The following KCNN2 variants were observed in gnomAD, a reference collection of about 807,000 sequenced individuals.
The protein encoded by KCNN2 is potassium calcium-activated channel subfamily N member 2, also known as small conductance calcium-activated potassium channel protein 2.
Under a neutral mutation model 55.5 loss-of-function variants are expected in KCNN2, and 24 were observed. The ratio of observed to expected loss-of-function variants is 0.43; its 90% CI spans 0.31 to 0.61. The LOEUF (loss-of-function observed/expected upper bound fraction) is 0.61. Among genes scored for constraint, KCNN2 ranks in the 20% least tolerant of loss-of-function variants. The pLI is 0.08. For missense variants in KCNN2, 754 were observed against 853.6 expected, an observed-to-expected ratio of 0.88 and a Z score of 1.45; for synonymous variants, 431 against 336.1, an observed-to-expected ratio of 1.28 and a Z score of -3.09.
At chr5:114,206,538 T>A (rs1337112928) in intron 1 of KCNN2, among the ~76,000 whole-genome samples, 1 of 152,154 alleles carries the variant, frequency 6.6e-6, no homozygotes, top group East Asian at 1.9e-4. Context: ...AGGTCATTTT[T>A]TTTCCCCTGT....
intron 1 of KCNN2, among the ~76,000 whole-genome samples, chr5:114,161,269 T>G (rs1399659169): frequency 3.9e-5 from 6 of 152,088 alleles, no homozygotes; most frequent in African/African-American, 1.4e-4. Flanking sequence ...GAAGCTTAGT[T>G]TGGCTGGATA....
At chr5:114,448,828 A>G (rs1760524946) in intron 3 of KCNN2, among the ~76,000 whole-genome samples, 1 of 152,258 alleles carries the variant, frequency 6.6e-6, no homozygotes, top group Admixed American at 6.5e-5. Context: ...TTAAAAATTT[A>G]GAATCAATTT....
At chr5:114,127,191 C>G (rs1429528597) in intron 1 of KCNN2, among the ~76,000 whole-genome samples, 2 of 152,104 alleles carry the variant, frequency 1.3e-5, no homozygotes, top group East Asian at 3.9e-4. Context: ...TTCTCACAGC[C>G]CCACTAAGCA....
chr5:114,465,071 C>CTTTTATTCTCCAATCAGGTGTG (rs1239887251), intron 4 of KCNN2, among the ~76,000 whole-genome samples: 1 of 152,106 alleles, frequency 6.6e-6, no homozygotes, highest in Non-Finnish European at 1.5e-5. Context: ...ATGGTACCCT[C>CTTTTATTCTCCAATCAGGTGTG]TTTTATTCTC....
intron 4 of KCNN2, among the ~76,000 whole-genome samples, chr5:114,471,298 T>C (rs374397965): frequency 9.7e-5 from 14 of 144,114 alleles, no homozygotes; most frequent in South Asian, 2.4e-4. Context: ...TACATCCTCC[T>C]GTGTACTTTA....
rs114870288 is a variant in KCNN2, at chr5:114,093,710, A to T, written c.-271+37210A>T. Among the ~76,000 whole-genome samples the T allele has an allele frequency of 4.9e-3, 751 of 152,302 alleles. 5 individuals carry two copies. The highest frequency in any genetic ancestry group is 0.017 in the African/African-American group (709 of 41,576). On this transcript the variant is annotated intron_variant, in intron 1 of 10. Coordinates refer to the KCNN2 transcript ENST00000512097. Reference sequence around the variant, plus strand: ...GAGAATGAATGCAGGAGGAAATACCAAACTCTTATATAACCATTGACTCTT... The same window carrying T: ...GAGAATGAATGCAGGAGGAAATACCTAACTCTTATATAACCATTGACTCTT...
chr5:114,336,275 G>A (rs969495550), intron 2 of KCNN2, among the ~76,000 whole-genome samples: 1 of 152,166 alleles, frequency 6.6e-6, no homozygotes, highest in African/African-American at 2.4e-5. Context: ...GAAGAACATA[G>A]GAAATTATTA....
intron 1 of KCNN2, among the ~76,000 whole-genome samples, chr5:114,172,029 A>T (rs9326911): frequency 0.85 from 128,729 of 151,804 alleles, 54,954 homozygotes; most frequent in East Asian, 0.94. Flanking sequence ...CTCAGGAAAC[A>T]TTATTGATCC....
chr5:114,288,497 T>TACAC (rs371769820), intron 2 of KCNN2, among the ~76,000 whole-genome samples: 5,267 of 128,608 alleles, frequency 0.041, 123 homozygotes, highest in African/African-American at 0.09. Context: ...TATATATATA[T>TACAC]ATACACACAC....
intron 3 of KCNN2, among the ~76,000 whole-genome samples, chr5:114,407,171 C>G (rs1403648456): frequency 6.6e-6 from 1 of 152,010 alleles, no homozygotes; most frequent in Admixed American, 6.6e-5. Context: ...TGTTCAATCT[C>G]GAAATTCATG....
At chr5:114,099,966 T>C (rs1310047602) in intron 1 of KCNN2, among the ~76,000 whole-genome samples, 1 of 152,012 alleles carries the variant, frequency 6.6e-6, no homozygotes, top group Non-Finnish European at 1.5e-5. Context: ...GGATATGAGA[T>C]GCTCAATGTA....
chr5:114,168,604 A>G (rs895390477), intron 1 of KCNN2, among the ~76,000 whole-genome samples: 1 of 151,934 alleles, frequency 6.6e-6, no homozygotes. Flanking sequence ...TTTTCTTTCT[A>G]TTTTATTATA....
chr5:114,254,595 C>A (rs1754944327), intron 2 of KCNN2, among the ~76,000 whole-genome samples: 2 of 152,124 alleles, frequency 1.3e-5, no homozygotes, highest in African/African-American at 2.4e-5. Flanking sequence ...AAAAAGTTAT[C>A]ACAGTAAATA....
intron 3 of KCNN2, among the ~76,000 whole-genome samples, chr5:114,459,132 TAAGAA>T (rs1207727647): frequency 6.6e-6 from 1 of 152,196 alleles, no homozygotes; most frequent in Non-Finnish European, 1.5e-5. Context: ...GAATAGAAAC[TAAGAA>T]AAGGAACAGT....
At chr5:114,063,609 C>G (rs1183049443) in intron 1 of KCNN2, among the ~76,000 whole-genome samples, 1 of 152,132 alleles carries the variant, frequency 6.6e-6, no homozygotes, top group African/African-American at 2.4e-5. Flanking sequence ...TTTGAGAAGA[C>G]TCAGGTGAGG....
chr5:114,126,835 A>G (rs1751943250), intron 1 of KCNN2, among the ~76,000 whole-genome samples: 1 of 152,192 alleles, frequency 6.6e-6, no homozygotes, highest in African/African-American at 2.4e-5. Context: ...TCCTAGATAC[A>G]ATGGGGGTAC....
At chr5:114,396,344 A>G (rs916809742) in intron 2 of KCNN2, among the ~76,000 whole-genome samples, 3 of 152,208 alleles carry the variant, frequency 2.0e-5, no homozygotes, top group Non-Finnish European at 4.4e-5. Context: ...GAAACATTAC[A>G]TAGGTGTTTT....
At chr5:114,415,728 T>C (rs1759287245) in intron 3 of KCNN2, among the ~76,000 whole-genome samples, 1 of 152,198 alleles carries the variant, frequency 6.6e-6, no homozygotes, top group African/African-American at 2.4e-5. Context: ...ATTTTTAAAC[T>C]GGGGCATTTG....
At chr5:114,151,013 CTG>C (rs1752510484) in intron 1 of KCNN2, among the ~76,000 whole-genome samples, 2 of 152,070 alleles carry the variant, frequency 1.3e-5, no homozygotes, top group South Asian at 4.1e-4. Flanking sequence ...AAGAGTGAAA[CTG>C]TGTCTCAAAA....
Sources: gnomAD v4.1 joint callset for allele counts (sites outside exome capture counted in the v4.1 genomes callset) on GRCh38, gnomAD v4.1.1 for gene constraint, MANE v1.5 for transcripts, NCBI Gene and HGNC (gene_info 2026-07-23, HGNC 2026-07-21) for gene names.